Variants in GTF3C2 observed in about 807,000 individuals in gnomAD.
GTF3C2 encodes the protein general transcription factor IIIC subunit 2, also known as general transcription factor 3C polypeptide 2.
In GTF3C2, 17 loss-of-function variants were observed where a neutral mutation model predicts 117.4. The ratio of observed to expected loss-of-function variants is 0.14; its 90% CI spans 0.10 to 0.22. GTF3C2 has a LOEUF of 0.22. Ranked by LOEUF, GTF3C2 falls within the 10% of genes least tolerant of loss-of-function variation. The pLI, the probability that GTF3C2 is intolerant of heterozygous loss-of-function variation, is 1.00. For missense variants in GTF3C2, 888 were observed against 1,143.6 expected (o/e 0.78, Z 3.22); for synonymous variants, 437 against 427.0 (o/e 1.02, Z -0.29).
exon 3 of GTF3C2, chr2:27,342,831 G>C: frequency 1.2e-6 from 2 of 1,612,158 alleles, no homozygotes; most frequent in Non-Finnish European, 1.7e-6. Flanking sequence ...CTTACACTTG[G>C]GCAGCCCTTC....
intron 1 of GTF3C2, among the ~76,000 whole-genome samples, chr2:27,351,428 AAAT>A (rs1390104417): frequency 6.6e-6 from 1 of 152,120 alleles, no homozygotes; most frequent in Non-Finnish European, 1.5e-5. Context: ...ATATAAAATA[AAAT>A]AATAACAAAA....
At chr2:27,355,603 A>T (rs1046189922) in intron 1 of GTF3C2, among the ~76,000 whole-genome samples, 5 of 152,112 alleles carry the variant, frequency 3.3e-5, no homozygotes, top group African/African-American at 1.2e-4. Context: ...AAAGGAATAG[A>T]TGATCAGTAA....
chr2:27,342,247 CAG>C lies in GTF3C2; in HGVS notation c.570-16_570-15del. On this transcript the variant is annotated splice_polypyrimidine_tract_variant and intron_variant, in intron 3 of 18. Coordinates refer to ENST00000264720, the Ensembl canonical transcript of GTF3C2. ...TACAGAAGTGCCCTGTGGGAACGGA[CAG>C]AGTCAGAGCCATTCTCACATATGAC... The C allele has an allele frequency of 6.3e-7, 1 of 1,597,638 alleles. No homozygotes were observed. The highest frequency in any genetic ancestry group is 8.6e-7 in the Non-Finnish European group (1 of 1,168,436).
chr2:27,346,290 T>C (rs1284148483), intron 1 of GTF3C2, among the ~76,000 whole-genome samples: 2 of 148,504 alleles, frequency 1.3e-5, no homozygotes, highest in Non-Finnish European at 3.0e-5. Context: ...TCCCAAAATG[T>C]TGGGATTATA....
intron 1 of GTF3C2, among the ~76,000 whole-genome samples, chr2:27,352,759 CCAACT>C (rs555503141): frequency 2.4e-4 from 36 of 152,224 alleles, no homozygotes; most frequent in African/African-American, 8.7e-4. Context: ...ATATTGTCCC[CCAACT>C]CATCAGTGAA....
At chr2:27,326,729 G>A in exon 19 of GTF3C2, 6 of 1,614,076 alleles carry the variant, frequency 3.7e-6, no homozygotes, top group South Asian at 1.1e-5. Context: ...GCCGTCTAGT[G>A]GGGGAGGATG....
intron 1 of GTF3C2, among the ~76,000 whole-genome samples, chr2:27,350,815 G>A (rs953403162): frequency 6.6e-6 from 1 of 152,042 alleles, no homozygotes; most frequent in Non-Finnish European, 1.5e-5. Flanking sequence ...CAGGCGTGGT[G>A]GAATATGCCT....
chr2:27,339,069 C>T (rs1434647937), intron 4 of GTF3C2, among the ~76,000 whole-genome samples: 2 of 152,040 alleles, frequency 1.3e-5, no homozygotes, highest in Admixed American at 6.6e-5. Flanking sequence ...TTGTGGCAAG[C>T]CATATTAGAG....
exon 19 of GTF3C2, chr2:27,326,566 G>A: frequency 1.3e-6 from 1 of 791,082 alleles, no homozygotes; most frequent in South Asian, 1.6e-5. Flanking sequence ...TAAAGGTCCA[G>A]GCCTGGCATG....
intron 1 of GTF3C2, chr2:27,356,025 G>A (rs1681362252): frequency 9.6e-7 from 1 of 1,043,772 alleles, no homozygotes; most frequent in Non-Finnish European, 1.3e-6. Context: ...TGCAAAAATA[G>A]TGATGGCACG....
At chr2:27,335,140 C>G (rs1200280404) in intron 10 of GTF3C2, among the ~76,000 whole-genome samples, 1 of 152,190 alleles carries the variant, frequency 6.6e-6, no homozygotes, top group Non-Finnish European at 1.5e-5. Flanking sequence ...TTCCTGACTC[C>G]TCCCTCCTTT....
chr2:27,336,135 T>C, intron 8 of GTF3C2, 63 bp downstream of exon 8: 1 of 1,436,352 alleles, frequency 7.0e-7, no homozygotes, highest in African/African-American at 1.4e-5. Flanking sequence ...CCCCCTATCC[T>C]GTCCAGACCC....
intron 12 of GTF3C2, among the ~76,000 whole-genome samples, chr2:27,331,268 G>A (rs549561816): frequency 1.3e-5 from 2 of 152,268 alleles, no homozygotes; most frequent in South Asian, 2.1e-4. Context: ...ATAAAAAGAC[G>A]TGTAAGAGTG....
chr2:27,352,310 T>C (rs560527473), intron 1 of GTF3C2, among the ~76,000 whole-genome samples: 19 of 152,186 alleles, frequency 1.2e-4, no homozygotes, highest in Non-Finnish European at 2.4e-4. Flanking sequence ...GCTCTCCCCC[T>C]ACACATTCTC....
chr2:27,347,155 C>G (rs1680945752), intron 1 of GTF3C2, among the ~76,000 whole-genome samples: 1 of 152,178 alleles, frequency 6.6e-6, no homozygotes, highest in Admixed American at 6.5e-5. Context: ...CTCCAAGGGT[C>G]CAGTTTTTGG....
At chr2:27,327,809 GTA>G (rs1162280146) in intron 17 of GTF3C2, among the ~76,000 whole-genome samples, 1 of 151,964 alleles carries the variant, frequency 6.6e-6, no homozygotes, top group Non-Finnish European at 1.5e-5. Flanking sequence ...TGTATTTTTA[GTA>G]GAGACGGAGT....
intron 1 of GTF3C2, chr2:27,356,137 C>T: frequency 7.8e-7 from 1 of 1,281,050 alleles, no homozygotes; most frequent in Non-Finnish European, 1.0e-6. Flanking sequence ...GTTGAAGTCG[C>T]CACCTCTGAC....
chr2:27,353,932 C>G (rs1681231129), intron 1 of GTF3C2, among the ~76,000 whole-genome samples: 1 of 151,690 alleles, frequency 6.6e-6, no homozygotes, highest in South Asian at 2.1e-4. Flanking sequence ...CTATCTTACT[C>G]AGACTGGTCT....
At chr2:27,340,653 C>A (rs1226725988) in intron 4 of GTF3C2, 1 of 150,176 alleles carries the variant, frequency 6.7e-6, no homozygotes, top group Non-Finnish European at 1.5e-5. Flanking sequence ...GACAGTTTCA[C>A]ACTGTCACCC....
Sources: allele counts gnomAD v4.1 joint callset (sites outside exome capture counted in the v4.1 genomes callset), GRCh38; gene constraint gnomAD v4.1.1; transcripts MANE v1.5; gene names NCBI Gene and HGNC (gene_info 2026-07-23, HGNC 2026-07-21).